Variants in PEX7 observed in about 807,000 individuals in gnomAD.
The protein encoded by PEX7 is PTS2 receptor.
A neutral mutation model predicts 47.5 loss-of-function variants in PEX7; 34 were observed. That is an observed-to-expected ratio of 0.72 (90% CI 0.54 to 0.95). The LOEUF (loss-of-function observed/expected upper bound fraction) is 0.95, where lower values mean the gene tolerates loss of function less well. Ranked by LOEUF, PEX7 falls within the 40% of genes least tolerant of loss-of-function variation. PEX7 has a pLI of 0.00. For missense variants in PEX7, 394 were observed against 400.3 expected, an observed-to-expected ratio of 0.98 and a Z score of 0.13; for synonymous variants, 141 against 148.8, an observed-to-expected ratio of 0.95 and a Z score of 0.38.
chr6:136,823,846 T>G (rs1475287487), intron 1 of PEX7, among the ~76,000 whole-genome samples: 1 of 151,942 alleles, frequency 6.6e-6, no homozygotes, highest in East Asian at 1.9e-4. Context: ...GCCGAGATCG[T>G]GCCATTGCAC....
At chr6:136,902,207 C>T (rs1319399717) in intron 9 of PEX7, among the ~76,000 whole-genome samples, 1 of 152,192 alleles carries the variant, frequency 6.6e-6, no homozygotes, top group African/African-American at 2.4e-5. Flanking sequence ...ATCTTTCTCT[C>T]ACCTCTTAGT....
intron 3 of PEX7, among the ~76,000 whole-genome samples, chr6:136,840,030 G>A (rs1339713441): frequency 6.6e-6 from 1 of 152,194 alleles, no homozygotes; most frequent in Non-Finnish European, 1.5e-5. Context: ...AGAGGCCAGG[G>A]TAGTAGTGTT....
At chr6:136,828,059 GGAT>G (rs1774229463) in intron 3 of PEX7, among the ~76,000 whole-genome samples, 1 of 150,898 alleles carries the variant, frequency 6.6e-6, no homozygotes, top group Non-Finnish European at 1.5e-5. Context: ...ATAAATTCAA[GGAT>G]GATAACTGAC....
chr6:136,822,791 C>T lies in PEX7; in HGVS notation c.126C>T (p.Ile42=), dbSNP rs1464741803. The T allele has an allele frequency of 2.3e-6, 3 of 1,332,996 alleles. No individual in the cohort carries two copies. The highest frequency in any genetic ancestry group is 7.6e-5 in the Admixed American group (2 of 26,304). 82.6% of individuals were successfully genotyped at this position (1,332,996 alleles called of 1,614,324 possible). A position where few individuals can be genotyped will look rare whatever the true frequency, so the allele number is the denominator to read the frequency against. ...LACATAQHYG[I]AGCGTLLILD... is the part of the protein sequence containing the mutation. ...GCGCCACCGCGCAGCACTACGGCAT[C>T]GCGGGTGAGGCGGCGCCGCGCAGCT... The change falls in exon 1 of 10, where the codon ATC becomes ATT. Residue 42 remains isoleucine (I), a synonymous_variant. Coordinates refer to ENST00000318471, the MANE Select transcript of PEX7 (RefSeq NM_000288.4).
At position 136,862,958 on chromosome 6, in the gene PEX7, A is replaced by G. The variant is rs1396167449; in HGVS notation, c.527-3669A>G. On this transcript the variant is annotated intron_variant, in intron 5 of 9. Coordinates refer to ENST00000318471, the MANE Select transcript of PEX7 (RefSeq NM_000288.4). ...CTGGACATCCACGTCACCCTGCATT[A>G]TACACTGAAGGCTGGAGAAAGTCAT... Among the ~76,000 whole-genome samples, 12 of 152,340 alleles carry G rather than the reference A, an allele frequency of 7.9e-5. No homozygotes were observed. The South Asian group carries it at 2.5e-3, about 32-fold the overall frequency.
intron 5 of PEX7, among the ~76,000 whole-genome samples, chr6:136,848,018 C>T (rs1053741003): frequency 5.3e-5 from 8 of 152,094 alleles, no homozygotes; most frequent in Non-Finnish European, 1.0e-4. Context: ...TCTTTTATTT[C>T]GTTGAGGAGT....
chr6:136,847,306 C>A (rs1256304301), intron 5 of PEX7, among the ~76,000 whole-genome samples: 1 of 152,030 alleles, frequency 6.6e-6, no homozygotes, highest in Non-Finnish European at 1.5e-5. Flanking sequence ...CCTGTTCACT[C>A]TGATGGTAGT....
intron 8 of PEX7, among the ~76,000 whole-genome samples, chr6:136,894,589 C>CA (rs936863586): frequency 6.6e-5 from 10 of 151,140 alleles, no homozygotes; most frequent in African/African-American, 2.4e-4. Context: ...GACTCCATCT[C>CA]AAAAAAAATA....
chr6:136,847,767 G>A (rs1322796850), intron 5 of PEX7, among the ~76,000 whole-genome samples: 1 of 152,186 alleles, frequency 6.6e-6, no homozygotes, highest in Non-Finnish European at 1.5e-5. Flanking sequence ...ATAGTTTGAA[G>A]TCAGGTAGCT....
intron 8 of PEX7, among the ~76,000 whole-genome samples, chr6:136,880,054 C>T (rs1182928711): frequency 5.3e-5 from 8 of 150,770 alleles, no homozygotes; most frequent in African/African-American, 1.7e-4. Context: ...TTTTTTCTTC[C>T]ATGTCCCTAA....
intron 3 of PEX7, among the ~76,000 whole-genome samples, chr6:136,842,592 TTAG>T (rs1562733424): frequency 1.3e-5 from 2 of 152,288 alleles, no homozygotes; most frequent in East Asian, 3.9e-4. Context: ...GAGTATTTAC[TTAG>T]TAGTTCTCTG....
intron 9 of PEX7, among the ~76,000 whole-genome samples, chr6:136,903,347 T>TC (rs1440260636): frequency 6.7e-6 from 1 of 149,146 alleles, no homozygotes; most frequent in Non-Finnish European, 1.5e-5. Flanking sequence ...TTTTTTTTTT[T>TC]TTTTTTTTCA....
chr6:136,909,323 C>CAA (rs1256972822), intron 9 of PEX7, among the ~76,000 whole-genome samples: 2 of 152,108 alleles, frequency 1.3e-5, no homozygotes, highest in South Asian at 2.1e-4. Context: ...AACAAACAAA[C>CAA]AAAATATATA....
intron 3 of PEX7, among the ~76,000 whole-genome samples, chr6:136,844,486 C>T (rs1321880172): frequency 1.3e-5 from 2 of 152,054 alleles, no homozygotes; most frequent in East Asian, 1.9e-4. Flanking sequence ...GAATGGTTAC[C>T]ATTTTCTTGT....
At chr6:136,843,924 T>G (rs190038887) in intron 3 of PEX7, among the ~76,000 whole-genome samples, 2 of 152,186 alleles carry the variant, frequency 1.3e-5, no homozygotes, top group Non-Finnish European at 2.9e-5. Context: ...CCCAAAAAAC[T>G]TGATAATCAA....
intron 6 of PEX7, among the ~76,000 whole-genome samples, chr6:136,869,616 A>G (rs562843794): frequency 6.6e-6 from 1 of 152,252 alleles, no homozygotes; most frequent in African/African-American, 2.4e-5. Context: ...GAAAATCCAC[A>G]ATGCTGTTTG....
chr6:136,850,040 T>C (rs1382152333), intron 5 of PEX7, among the ~76,000 whole-genome samples: 1 of 152,120 alleles, frequency 6.6e-6, no homozygotes, highest in Non-Finnish European at 1.5e-5. Context: ...GGTGCTCCTG[T>C]ATTGGGTGCA....
At chr6:136,856,291 TA>T (rs397759780) in intron 5 of PEX7, among the ~76,000 whole-genome samples, 16,639 of 70,628 alleles carry the variant, frequency 0.24, 1,055 homozygotes, top group Admixed American at 0.3. Flanking sequence ...TGGTTGAAAG[TA>T]AAAAAAAAAA....
chr6:136,822,944 C>A (rs1269623162), intron 1 of PEX7, 149 bp downstream of exon 1: 2 of 1,208,492 alleles, frequency 1.7e-6, no homozygotes, highest in African/African-American at 1.6e-5. Context: ...CGCTGGTCGG[C>A]GCTTCTCCTT....
Sources: gnomAD v4.1 joint callset for allele counts (sites outside exome capture counted in the v4.1 genomes callset) on GRCh38, gnomAD v4.1.1 for gene constraint, MANE v1.5 for transcripts, NCBI Gene and HGNC (gene_info 2026-07-23, HGNC 2026-07-21) for gene names.